Variants in ROBO1 observed in about 807,000 individuals in gnomAD.
The protein encoded by ROBO1 is roundabout homolog 1.
ROBO1 carries 149 observed loss-of-function variants against 195.9 expected under a neutral mutation model. The ratio of observed to expected loss-of-function variants is 0.76; its 90% CI spans 0.67 to 0.87. The LOEUF is 0.87. Among genes scored for constraint, ROBO1 ranks in the 40% least tolerant of loss-of-function variants. The pLI, the probability that ROBO1 is intolerant of heterozygous loss-of-function variation, is 0.00. For missense variants in ROBO1, 1,933 were observed against 2,068.3 expected (o/e 0.93, Z 1.27); for synonymous variants, 816 against 733.2 (o/e 1.11, Z -1.82).
intron 2 of ROBO1, among the ~76,000 whole-genome samples, chr3:79,556,844 A>G (rs561529344): frequency 1.3e-5 from 2 of 151,812 alleles, no homozygotes; most frequent in African/African-American, 4.8e-5. Flanking sequence ...ACTTTGCTCT[A>G]TAGAGGTAAC....
chr3:78,787,582 A>T (rs761278525), intron 4 of ROBO1, among the ~76,000 whole-genome samples: 1 of 152,162 alleles, frequency 6.6e-6, no homozygotes, highest in Admixed American at 6.5e-5. Context: ...ACAAGCTATC[A>T]CCTATGTGCG....
chr3:78,693,829 T>C (rs543687244), intron 8 of ROBO1, among the ~76,000 whole-genome samples: 69 of 152,296 alleles, frequency 4.5e-4, no homozygotes, highest in Middle Eastern at 6.8e-3. Flanking sequence ...CTGCCAATAA[T>C]ATTCTATGAA....
At chr3:79,657,438 G>T (rs1411162482) in intron 1 of ROBO1, among the ~76,000 whole-genome samples, 5 of 151,888 alleles carry the variant, frequency 3.3e-5, no homozygotes, top group African/African-American at 1.2e-4. Context: ...GAATGTAAAA[G>T]ACTAATAAAA....
intron 3 of ROBO1, among the ~76,000 whole-genome samples, chr3:79,122,601 A>G (rs1325501940): frequency 6.6e-6 from 1 of 151,958 alleles, no homozygotes; most frequent in Non-Finnish European, 1.5e-5. Flanking sequence ...AGATTTTAAG[A>G]TATGTGTATG....
intron 2 of ROBO1, among the ~76,000 whole-genome samples, chr3:79,213,772 C>G (rs527753639): frequency 2.0e-4 from 30 of 151,064 alleles, no homozygotes; most frequent in Non-Finnish European, 4.1e-4. Context: ...TTTATTTTTG[C>G]CCAGTAAAAA....
intron 3 of ROBO1, among the ~76,000 whole-genome samples, chr3:79,046,395 G>A (rs916131176): frequency 6.6e-6 from 1 of 152,032 alleles, no homozygotes. Context: ...CGGAGTTAAA[G>A]GCACCCAGCT....
intron 2 of ROBO1, among the ~76,000 whole-genome samples, chr3:79,161,687 C>T (rs1451615831): frequency 6.6e-6 from 1 of 152,104 alleles, no homozygotes; most frequent in Non-Finnish European, 1.5e-5. Flanking sequence ...TATTTGTAAA[C>T]AAACAAGTAC....
At chr3:78,634,501 C>T (rs1412762254) in intron 23 of ROBO1, 3 of 364,256 alleles carry the variant, frequency 8.2e-6, no homozygotes, top group Non-Finnish European at 1.2e-5. Flanking sequence ...CGTCTAGTTG[C>T]ATTCCAGGTT....
chr3:79,003,273 G>T (rs898106737), intron 3 of ROBO1, among the ~76,000 whole-genome samples: 1 of 151,984 alleles, frequency 6.6e-6, no homozygotes, highest in African/African-American at 2.4e-5. Context: ...TGCCTTCTCT[G>T]CTTTTGTTTG....
intron 4 of ROBO1, among the ~76,000 whole-genome samples, chr3:78,911,629 G>A (rs1056442349): frequency 2.0e-4 from 30 of 151,964 alleles, no homozygotes; most frequent in Non-Finnish European, 5.9e-5. Context: ...CTAGTAACCC[G>A]ACCTTTAACC....
chr3:79,735,085 C>A (rs1703321065), intron 1 of ROBO1, among the ~76,000 whole-genome samples: 1 of 152,164 alleles, frequency 6.6e-6, no homozygotes, highest in Non-Finnish European at 1.5e-5. Context: ...TTAGACATTA[C>A]CTCTGAAAAA....
At chr3:78,758,593 A>T (rs1288445374) in intron 4 of ROBO1, among the ~76,000 whole-genome samples, 5 of 151,838 alleles carry the variant, frequency 3.3e-5, no homozygotes, top group Non-Finnish European at 5.9e-5. Context: ...AATATTGAAC[A>T]TGGCAAACAA....
At chr3:79,111,613 C>G (rs1252580163) in intron 3 of ROBO1, among the ~76,000 whole-genome samples, 1 of 152,078 alleles carries the variant, frequency 6.6e-6, no homozygotes, top group Non-Finnish European at 1.5e-5. Context: ...CTATTCAACC[C>G]AGGGAGAGAA....
intron 4 of ROBO1, among the ~76,000 whole-genome samples, chr3:78,886,269 T>A (rs532726617): frequency 6.6e-6 from 1 of 152,018 alleles, no homozygotes; most frequent in African/African-American, 2.4e-5. Flanking sequence ...ATTTCATATA[T>A]CGCCAACATA....
intron 18 of ROBO1, among the ~76,000 whole-genome samples, chr3:78,656,235 T>C (rs1046356916): frequency 1.3e-5 from 2 of 152,146 alleles, no homozygotes; most frequent in Non-Finnish European, 2.9e-5. Flanking sequence ...TACCTTTTGT[T>C]ATAATAAACA....
At chr3:79,446,836 T>C (rs934174022) in intron 2 of ROBO1, among the ~76,000 whole-genome samples, 7 of 152,198 alleles carry the variant, frequency 4.6e-5, no homozygotes, top group Non-Finnish European at 8.8e-5. Context: ...ACTTTATTTA[T>C]TTTTTGAGAT....
chr3:78,799,590 C>G lies in ROBO1; in HGVS notation c.500-52690G>C, dbSNP rs538045101. 2.4e-3 allele frequency among the ~76,000 whole-genome samples: 365 copies of G among 152,152 alleles called. 1 individual carries two copies. The highest frequency in any genetic ancestry group is 7.5e-3 in the African/African-American group (312 of 41,512). ...TCTCCTGACCTCGTGATCCACCCAC[C>G]TTGGCCTCCCAAAGTGCTGGGATTA... is the stretch of plus-strand genomic sequence containing the variant. On this transcript the variant is annotated intron_variant, in intron 4 of 30. Coordinates refer to ENST00000464233, the MANE Select transcript of ROBO1 (RefSeq NM_002941.4).
intron 1 of ROBO1, among the ~76,000 whole-genome samples, chr3:79,619,199 C>T (rs36179570): frequency 0.57 from 86,738 of 151,942 alleles, 26,239 homozygotes; most frequent in East Asian, 0.89. Context: ...CCCTTAGTGG[C>T]AAGTCAATTG....
In ROBO1 at chr3:79,136,929, T is replaced by A. The variant is rs573931343; in HGVS notation, c.89-11390A>T. Reference sequence around the variant, plus strand: ...AATATATTTACAATAGCTGAAGAAATCTATGTACTGTAGAACATTAGAGAT... The same window carrying A: ...AATATATTTACAATAGCTGAAGAAAACTATGTACTGTAGAACATTAGAGAT... On this transcript the variant is annotated intron_variant, in intron 2 of 30. Transcript: ENST00000464233. Among the ~76,000 whole-genome samples the A allele has an allele frequency of 7.2e-4, 109 of 152,068 alleles. 1 individual carries two copies. The highest frequency in any genetic ancestry group is 1.3e-3 in the Non-Finnish European group (90 of 67,948).
Sources: allele counts gnomAD v4.1 joint callset (sites outside exome capture counted in the v4.1 genomes callset), GRCh38; gene constraint gnomAD v4.1.1; transcripts MANE v1.5; gene names NCBI Gene and HGNC (gene_info 2026-07-23, HGNC 2026-07-21).